The following ELMO1 variants were observed in gnomAD, a reference collection of about 807,000 sequenced individuals.
The protein encoded by ELMO1 is engulfment and cell motility protein 1.
ELMO1 carries 26 observed loss-of-function variants against 98.9 expected under a neutral mutation model. The observed-to-expected ratio is 0.26, with a 90% confidence interval of 0.19 to 0.36. The LOEUF (loss-of-function observed/expected upper bound fraction) is 0.36, where lower values mean the gene tolerates loss of function less well. Ranked by LOEUF, ELMO1 falls within the 10% of genes least tolerant of loss-of-function variation. ELMO1 has a pLI of 1.00. For synonymous variants in ELMO1, 346 were observed against 346.0 expected (o/e 1.00, Z 0.00); for missense variants, 627 against 935.2 (o/e 0.67, Z 4.30).
intron 16 of ELMO1, among the ~76,000 whole-genome samples, chr7:36,914,186 C>G (rs1446907797): frequency 6.6e-6 from 1 of 152,180 alleles, no homozygotes; most frequent in African/African-American, 2.4e-5. Context: ...TGAATCCTGC[C>G]TCCTTGATAC....
chr7:37,362,654 T>C (rs948576085), intron 1 of ELMO1, among the ~76,000 whole-genome samples: 1 of 152,172 alleles, frequency 6.6e-6, no homozygotes, highest in African/African-American at 2.4e-5. Flanking sequence ...CTACTTGACA[T>C]AGCTACTTAG....
chr7:37,269,156 T>C (rs770437774), intron 5 of ELMO1, among the ~76,000 whole-genome samples: 1 of 152,234 alleles, frequency 6.6e-6, no homozygotes, highest in African/African-American at 2.4e-5. Flanking sequence ...TTCAGCTACA[T>C]GCAAAACTAT....
chr7:37,082,161 G>C (rs1797896946), intron 15 of ELMO1, among the ~76,000 whole-genome samples: 5 of 152,144 alleles, frequency 3.3e-5, no homozygotes, highest in Admixed American at 2.6e-4. Flanking sequence ...GTAAAGATGG[G>C]CCAGGCACCT....
intron 1 of ELMO1, among the ~76,000 whole-genome samples, chr7:37,396,811 T>G (rs1225787397): frequency 6.6e-6 from 1 of 152,218 alleles, no homozygotes; most frequent in African/African-American, 2.4e-5. Context: ...TGCATATATT[T>G]TTCCTTTACA....
intron 16 of ELMO1, among the ~76,000 whole-genome samples, chr7:36,976,304 T>C (rs1344093820): frequency 1.4e-4 from 22 of 152,156 alleles, no homozygotes; most frequent in Non-Finnish European, 4.4e-5. Flanking sequence ...TAATGGAATT[T>C]TATGCTTAAA....
At chr7:36,990,453 A>G (rs1301947637) in intron 16 of ELMO1, among the ~76,000 whole-genome samples, 3 of 152,106 alleles carry the variant, frequency 2.0e-5, no homozygotes, top group African/African-American at 7.2e-5. Context: ...CAGATTTACT[A>G]TGTGCTGTCC....
intron 16 of ELMO1, among the ~76,000 whole-genome samples, chr7:36,984,750 G>A (rs1392260344): frequency 1.3e-5 from 2 of 152,072 alleles, no homozygotes; most frequent in Admixed American, 6.6e-5. Context: ...AAGACATCAA[G>A]TGTGCTATGA....
At chr7:37,059,918 C>A (rs565550369) in intron 15 of ELMO1, among the ~76,000 whole-genome samples, 2 of 152,184 alleles carry the variant, frequency 1.3e-5, no homozygotes, top group Non-Finnish European at 2.9e-5. Context: ...CACCTGTTGG[C>A]GTTTATTTCT....
intron 4 of ELMO1, among the ~76,000 whole-genome samples, chr7:37,299,386 G>C (rs1236683863): frequency 6.8e-6 from 1 of 146,364 alleles, no homozygotes; most frequent in African/African-American, 2.5e-5. Context: ...TTTTCTTCTA[G>C]GGTTTTTATG....
intron 15 of ELMO1, among the ~76,000 whole-genome samples, chr7:37,084,437 G>C (rs568343525): frequency 6.6e-6 from 1 of 152,282 alleles, no homozygotes; most frequent in African/African-American, 2.4e-5. Context: ...AATTCACTAA[G>C]AGTCTAGTCC....
chr7:37,164,772 G>A (rs1789523684), intron 13 of ELMO1, among the ~76,000 whole-genome samples: 1 of 149,380 alleles, frequency 6.7e-6, no homozygotes, highest in Admixed American at 6.7e-5. Context: ...CAGGTAGTGT[G>A]ATGCCTCCAG....
chr7:37,319,456 T>C (rs914281558), intron 2 of ELMO1, among the ~76,000 whole-genome samples: 1 of 152,132 alleles, frequency 6.6e-6, no homozygotes, highest in Admixed American at 6.5e-5. Flanking sequence ...TCATTCCAAC[T>C]CCTGCCATCA....
At chr7:37,127,738 C>T (rs1228051544) in intron 14 of ELMO1, among the ~76,000 whole-genome samples, 1 of 152,090 alleles carries the variant, frequency 6.6e-6, no homozygotes, top group Non-Finnish European at 1.5e-5. Context: ...CTTATTATTC[C>T]AGTTCCACCT....
intron 19 of ELMO1, among the ~76,000 whole-genome samples, chr7:36,873,409 T>C (rs1192139333): frequency 6.6e-6 from 1 of 152,178 alleles, no homozygotes; most frequent in Non-Finnish European, 1.5e-5. Flanking sequence ...GGGCTCCAGA[T>C]CTGTGAGAAT....
At chr7:37,183,454 C>A (rs534525444) in intron 13 of ELMO1, among the ~76,000 whole-genome samples, 1 of 152,160 alleles carries the variant, frequency 6.6e-6, no homozygotes, top group African/African-American at 2.4e-5. Flanking sequence ...GAACCAGAGC[C>A]CCAAAGCTTT....
rs149670392 is a variant in ELMO1, at chr7:36,972,054, G to A, written c.1437+41245C>T. Among the ~76,000 whole-genome samples, 12 of 152,244 alleles carry A rather than the reference G, an allele frequency of 7.9e-5. No individual in the cohort carries two copies. The East Asian group carries it at 2.3e-3, about 29-fold the overall frequency. Reference sequence around the variant, plus strand: ...GGTTGCTTTCTGGCCCCCCAACAATGGCAATGAACGTTTCATTGTCGAGCA... The same window carrying A: ...GGTTGCTTTCTGGCCCCCCAACAATAGCAATGAACGTTTCATTGTCGAGCA... On this transcript the variant is annotated intron_variant, in intron 16 of 21. Transcript: ENST00000310758.
intron 16 of ELMO1, among the ~76,000 whole-genome samples, chr7:36,974,570 T>G (rs999706070): frequency 2.0e-5 from 3 of 152,102 alleles, no homozygotes; most frequent in Admixed American, 2.0e-4. Flanking sequence ...TGTATCTAGC[T>G]CAGGGATTGT....
intron 14 of ELMO1, among the ~76,000 whole-genome samples, chr7:37,117,634 C>A (rs1433137555): frequency 1.3e-5 from 2 of 152,134 alleles, no homozygotes; most frequent in African/African-American, 4.8e-5. Context: ...GCAGTAACAG[C>A]TTGGTTATTC....
At chr7:36,934,425 C>T (rs918463154) in intron 16 of ELMO1, among the ~76,000 whole-genome samples, 1 of 152,214 alleles carries the variant, frequency 6.6e-6, no homozygotes, top group Non-Finnish European at 1.5e-5. Context: ...AGTCCCCTCT[C>T]CCGGCACATA....
Sources: gnomAD v4.1 joint callset for allele counts (sites outside exome capture counted in the v4.1 genomes callset) on GRCh38, gnomAD v4.1.1 for gene constraint, MANE v1.5 for transcripts, NCBI Gene and HGNC (gene_info 2026-07-23, HGNC 2026-07-21) for gene names.